Variants in PCDHA6 observed in about 807,000 individuals in gnomAD.
PCDHA6 encodes protocadherin alpha-6.
A neutral mutation model predicts 60.3 loss-of-function variants in PCDHA6; 55 were observed. That is an observed-to-expected ratio of 0.91 (90% CI 0.73 to 1.14). The LOEUF (loss-of-function observed/expected upper bound fraction) is 1.14, where lower values mean the gene tolerates loss of function less well. Ranked by LOEUF, PCDHA6 falls within the 50% of genes most tolerant of loss-of-function variation. PCDHA6 has a pLI of 0.00. For synonymous variants in PCDHA6, 652 were observed against 557.9 expected (o/e 1.17, Z -2.38); for missense variants, 1,327 against 1,256.5 (o/e 1.06, Z -0.85).
chr5:140,928,642 G>A (rs2085397273), intron 1 of PCDHA6: 2 of 1,614,114 alleles, frequency 1.2e-6, no homozygotes, highest in Non-Finnish European at 8.5e-7. Flanking sequence ...CACAAAAGTG[G>A]TAGCAGAGGA....
rs150883390 is a variant in PCDHA6 at position 140,828,671 on chromosome 5, C to T, written c.580C>T (p.Leu194Phe). Residue 194 changes from leucine to phenylalanine, a missense_variant, in exon 1 of 4, where the codon CTC becomes TTC. Coordinates refer to ENST00000529310, the MANE Select transcript of PCDHA6 (RefSeq NM_018909.4). Reference protein sequence around the residue: ...INSDDNKQIGLLLKKSLDREE... With the variant: ...INSDDNKQIGFLLKKSLDREE... ...CAGTGATGACAATAAACAAATTGGG[C>T]TCTTATTAAAGAAATCCTTGGACAG... 2 of 1,614,058 alleles carry T rather than the reference C, an allele frequency of 1.2e-6. No individual in the cohort carries two copies. Among genetic ancestry groups the T allele is most frequent in the Non-Finnish European group, 8.5e-7 (1 of 1,180,032 alleles).
At chr5:140,901,580 C>T (rs2068755035) in intron 1 of PCDHA6, among the ~76,000 whole-genome samples, 3 of 152,008 alleles carry the variant, frequency 2.0e-5, no homozygotes, top group Admixed American at 6.6e-5. Context: ...TATGCCAGTG[C>T]CATGATGTTT....
chr5:140,850,566 G>GTGAC (rs1554144512), intron 1 of PCDHA6: 1 of 1,598,448 alleles, frequency 6.3e-7, no homozygotes, highest in Admixed American at 1.7e-5. Flanking sequence ...GGGCCCCGAG[G>GTGAC]TGACGCTGGT....
intron 1 of PCDHA6, chr5:140,883,340 C>T (rs2059560429): frequency 6.2e-7 from 1 of 1,614,140 alleles, no homozygotes; most frequent in Non-Finnish European, 8.5e-7. Flanking sequence ...TTTGTCACTC[C>T]CCATCAGAGA....
At chr5:140,863,233 C>T (rs2047882202) in intron 1 of PCDHA6, 3 of 1,240,302 alleles carry the variant, frequency 2.4e-6, no homozygotes, top group Non-Finnish European at 3.4e-6. Context: ...GGTCCCATCG[C>T]GGGCTTTGGC....
chr5:141,000,774 G>A (rs1399583734), intron 3 of PCDHA6, among the ~76,000 whole-genome samples: 1 of 151,828 alleles, frequency 6.6e-6, no homozygotes, highest in Non-Finnish European at 1.5e-5. Context: ...AGGCATAGTG[G>A]CGCACACCTG....
chr5:140,833,496 A>T (rs1266774652), intron 1 of PCDHA6, among the ~76,000 whole-genome samples: 1 of 152,230 alleles, frequency 6.6e-6, no homozygotes. Context: ...CATATTTGAG[A>T]TTGTAAAAAT....
At chr5:140,983,293 A>C (rs2097040232) in intron 3 of PCDHA6, among the ~76,000 whole-genome samples, 1 of 152,240 alleles carries the variant, frequency 6.6e-6, no homozygotes, top group African/African-American at 2.4e-5. Context: ...AAAATTGCTT[A>C]AACTCACATT....
chr5:140,903,346 A>G (rs76789733), intron 1 of PCDHA6, among the ~76,000 whole-genome samples: 12,326 of 152,302 alleles, frequency 0.081, 540 homozygotes, highest in Middle Eastern at 0.13. Context: ...TGCATTTTAA[A>G]AAACAAGTTT....
intron 1 of PCDHA6, chr5:140,966,584 G>C (rs1227691524): frequency 7.4e-6 from 4 of 541,586 alleles, no homozygotes; most frequent in African/African-American, 6.0e-5. Context: ...CAGCGAGGAC[G>C]GTGGGGCCAG....
chr5:140,968,267 A>G, intron 1 of PCDHA6: 1 of 1,613,984 alleles, frequency 6.2e-7, no homozygotes, highest in Non-Finnish European at 8.5e-7. Flanking sequence ...TGAAAAGGAG[A>G]ATGCAGAGGT....
At chr5:140,836,194 A>T in intron 1 of PCDHA6, 1 of 1,613,794 alleles carries the variant, frequency 6.2e-7, no homozygotes, top group Non-Finnish European at 8.5e-7. Context: ...TCAGGCTACA[A>T]CGCGTGGCTT....
intron 3 of PCDHA6, among the ~76,000 whole-genome samples, chr5:140,986,799 CTTAG>C (rs782752084): frequency 3.9e-5 from 6 of 152,154 alleles, no homozygotes; most frequent in South Asian, 4.1e-4. Context: ...GGCAGTGAGT[CTTAG>C]TTAGAGAACT....
chr5:140,944,582 C>T (rs1273246926), intron 1 of PCDHA6, among the ~76,000 whole-genome samples: 1 of 152,146 alleles, frequency 6.6e-6, no homozygotes, highest in Non-Finnish European at 1.5e-5. Flanking sequence ...GAGATCACTT[C>T]AGAATTTCCC....
chr5:140,869,719 C>T, intron 1 of PCDHA6: 1 of 1,613,314 alleles, frequency 6.2e-7, no homozygotes, highest in Admixed American at 1.7e-5. Flanking sequence ...AGAGAAAACT[C>T]CGGAACTTAA....
At chr5:141,006,483 G>T (rs1351534173) in intron 3 of PCDHA6, among the ~76,000 whole-genome samples, 1 of 152,126 alleles carries the variant, frequency 6.6e-6, no homozygotes, top group Non-Finnish European at 1.5e-5. Context: ...AAAGTGCTGG[G>T]ATTACATGTG....
At chr5:140,846,550 AT>A (rs1279691589) in intron 1 of PCDHA6, among the ~76,000 whole-genome samples, 1 of 147,284 alleles carries the variant, frequency 6.8e-6, no homozygotes, top group East Asian at 2.0e-4. Context: ...AATTTTTTGT[AT>A]TTTTAGTAGA....
intron 1 of PCDHA6, among the ~76,000 whole-genome samples, chr5:140,976,160 T>A (rs1554237376): frequency 6.6e-6 from 1 of 152,196 alleles, no homozygotes; most frequent in Admixed American, 6.5e-5. Context: ...TTTTACTACT[T>A]TTAGTTTTGT....
chr5:140,966,017 G>A (rs946123044), intron 1 of PCDHA6, among the ~76,000 whole-genome samples: 1 of 152,144 alleles, frequency 6.6e-6, no homozygotes, highest in Non-Finnish European at 1.5e-5. Flanking sequence ...GGGAAGATGT[G>A]GGAGTCAGGT....
Sources: allele counts gnomAD v4.1 joint callset (sites outside exome capture counted in the v4.1 genomes callset), GRCh38; gene constraint gnomAD v4.1.1; transcripts MANE v1.5; gene names NCBI Gene and HGNC (gene_info 2026-07-23, HGNC 2026-07-21).